The following PKHD1L1 variants were observed in gnomAD, a reference collection of about 807,000 sequenced individuals.
The protein encoded by PKHD1L1 is fibrocystin-L.
Under a neutral mutation model 462.9 loss-of-function variants are expected in PKHD1L1, and 434 were observed. That is an observed-to-expected ratio of 0.94 (90% CI 0.87 to 1.02). The LOEUF is 1.02. PKHD1L1 is among the 50% of genes least tolerant of loss of function. PKHD1L1 has a pLI of 0.00. For missense variants in PKHD1L1, 5,202 were observed against 5,096.1 expected (o/e 1.02, Z -0.63); for synonymous variants, 1,781 against 1,750.0 (o/e 1.02, Z -0.44).
intron 72 of PKHD1L1, among the ~76,000 whole-genome samples, chr8:109,517,392 T>G (rs941329406): frequency 6.6e-6 from 1 of 152,166 alleles, no homozygotes; most frequent in African/African-American, 2.4e-5. Flanking sequence ...CTAGTAAGCC[T>G]CACAATGAAA....
intron 71 of PKHD1L1, among the ~76,000 whole-genome samples, chr8:109,513,011 G>A (rs1397199462): frequency 6.6e-6 from 1 of 151,816 alleles, no homozygotes; most frequent in Non-Finnish European, 1.5e-5. Context: ...TGTTATTGGT[G>A]TATAAGAATG....
chr8:109,401,608 T>G lies in PKHD1L1; in HGVS notation c.1373+20T>G, dbSNP rs760062418. The G allele has an allele frequency of 1.2e-5, 16 of 1,286,872 alleles. No homozygotes were observed. The South Asian group carries it at 1.8e-4, about 14-fold the overall frequency. The allele number at this position is 1,286,872 out of a possible 1,614,324, so 79.7% of individuals were successfully genotyped here. A position where few individuals can be genotyped will look rare whatever the true frequency, so the allele number is the denominator to read the frequency against. On this transcript the variant is annotated intron_variant, in intron 14 of 77. Transcript: ENST00000378402. ...AAAAGAGTAAGGCTTTTTCCTGTCA[T>G]TAAATTACTGTGTGGTATTTATAAG...
chr8:109,423,445 A>G lies in PKHD1L1; in HGVS notation c.2698-1640A>G, dbSNP rs78371774. ...TGTCAAAAATCATATTTGTGTGGGC[A>G]TATTTCTGAGTTTTCTATTCTTTCC... On this transcript the variant is annotated intron_variant, in intron 23 of 77. Coordinates refer to ENST00000378402, the MANE Select transcript of PKHD1L1 (RefSeq NM_177531.6). 8.3e-4 allele frequency among the ~76,000 whole-genome samples: 126 copies of G among 152,216 alleles called. 2 individuals are homozygous for G. In the East Asian group the frequency reaches 0.023, roughly 27 times the overall value.
At chr8:109,429,026 AAATC>A (rs1347803464) in intron 25 of PKHD1L1, among the ~76,000 whole-genome samples, 3 of 152,198 alleles carry the variant, frequency 2.0e-5, no homozygotes, top group Admixed American at 2.0e-4. Flanking sequence ...CATTTTGAGA[AAATC>A]AAGTTTAGTA....
chr8:109,386,539 A>C (rs186013580), intron 6 of PKHD1L1, among the ~76,000 whole-genome samples: 1 of 152,320 alleles, frequency 6.6e-6, no homozygotes, highest in African/African-American at 2.4e-5. Context: ...TAATGAGTGA[A>C]ATAAAGATTT....
At chr8:109,442,270 T>A in intron 35 of PKHD1L1, 75 bp downstream of exon 35, 2 of 1,334,292 alleles carry the variant, frequency 1.5e-6, no homozygotes, top group Non-Finnish European at 2.0e-6. Context: ...TTGTGTAGAT[T>A]TAATACAGTA....
At position 109,498,898 on chromosome 8, in the gene PKHD1L1, T is replaced by A; in HGVS notation, c.10828+127T>A. ...AATTTTTATAGCAATCTGCTCAATA[T>A]GACAAAGAAATCAGACATCAGAGTC... On this transcript the variant is annotated intron_variant, in intron 67 of 77. Coordinates refer to ENST00000378402, the MANE Select transcript of PKHD1L1 (RefSeq NM_177531.6). 3 of 833,292 alleles carry A rather than the reference T, an allele frequency of 3.6e-6. No individual in the cohort carries two copies. The South Asian group carries it at 5.7e-5, about 16-fold the overall frequency. The allele number at this position is 833,292 out of a possible 1,614,324, so 51.6% of individuals were successfully genotyped here. A position where few individuals can be genotyped will look rare whatever the true frequency, so the allele number is the denominator to read the frequency against.
Position 109,522,277 on chromosome 8 carries a change from C to T in PKHD1L1, c.12123C>T (p.Asn4041=), listed in dbSNP as rs1586664101. 1 of 1,606,636 alleles carries T rather than the reference C, an allele frequency of 6.2e-7. No homozygotes were observed. The part of the protein sequence containing the change: ...LGNISSILGF[N]ISSMSITNPL... Reference sequence around the variant, plus strand: ...ACATCAGTAGTATCCTTGGATTTAACATTTCGTCCATGTCTATTACTAATC... The same window carrying T: ...ACATCAGTAGTATCCTTGGATTTAATATTTCGTCCATGTCTATTACTAATC... Residue 4041 remains asparagine, a synonymous_variant, in exon 74 of 78, where the codon AAC becomes AAT. Transcript: ENST00000378402.
At chr8:109,407,640 C>A (rs1444822541) in intron 17 of PKHD1L1, among the ~76,000 whole-genome samples, 1 of 152,054 alleles carries the variant, frequency 6.6e-6, no homozygotes, top group Non-Finnish European at 1.5e-5. Context: ...CAGCTTTGTG[C>A]CCTATTCATG....
chr8:109,461,636 T>A, intron 47 of PKHD1L1, 136 bp from the exon 48 acceptor site: 1 of 928,690 alleles, frequency 1.1e-6, no homozygotes, highest in Non-Finnish European at 1.6e-6. Flanking sequence ...GGAAATGATG[T>A]GAATGCAAAT....
rs892792515 is a variant in PKHD1L1 at position 109,399,928 on chromosome 8, T to C, written c.1013-148T>C. ...AGACTGCCCTCTGGCTGCAGATACG[T>C]GTAGGGGAATGTGTAATTGTTTTGT... On this transcript the variant is annotated intron_variant, in intron 12 of 77. Coordinates refer to ENST00000378402, the MANE Select transcript of PKHD1L1 (RefSeq NM_177531.6). The C allele has an allele frequency of 5.1e-6, 4 of 790,704 alleles. No individual in the cohort carries two copies. The African/African-American group carries it at 5.3e-5, about 10-fold the overall frequency. 49.0% of individuals were successfully genotyped at this position (790,704 alleles called of 1,614,324 possible).
At chr8:109,510,104 C>T (rs1819890627) in intron 70 of PKHD1L1, among the ~76,000 whole-genome samples, 1 of 152,008 alleles carries the variant, frequency 6.6e-6, no homozygotes, top group African/African-American at 2.4e-5. Flanking sequence ...TTAATGATGT[C>T]AACACTCTAA....
Position 109,507,690 on chromosome 8 carries a change from C to T in PKHD1L1, c.11022C>T (p.Asp3674=), listed in dbSNP as rs770754730. ...AGGTCAATCCATCTGATTGTGTAGA[C>T]ATGGTTTGTGATGCCAAGAGGAAAT... ...ISKVNPSDCV[D]MVCDAKRKSF... The change falls in exon 69 of 78, where the codon GAC becomes GAT. Residue 3674 remains aspartate, a synonymous_variant. Transcript: ENST00000378402. 2 of 1,613,186 alleles carry T rather than the reference C, an allele frequency of 1.2e-6. No homozygotes were observed. The highest frequency in any genetic ancestry group is 1.1e-5 in the South Asian group (1 of 91,054).
chr8:109,499,055 C>A, intron 67 of PKHD1L1: 2 of 350,560 alleles, frequency 5.7e-6, no homozygotes, highest in South Asian at 8.3e-5. Context: ...TTTGTAAATG[C>A]CCTTTCATGT....
At chr8:109,470,338 G>A in intron 50 of PKHD1L1, 2 of 1,525,958 alleles carry the variant, frequency 1.3e-6, no homozygotes, top group Admixed American at 1.7e-5. Context: ...AGTTTGGAGA[G>A]AGAGTGAAGT....
chr8:109,527,237 C>G (rs564110725), intron 77 of PKHD1L1, among the ~76,000 whole-genome samples: 48 of 152,278 alleles, frequency 3.2e-4, no homozygotes, highest in African/African-American at 1.1e-3. Flanking sequence ...CACAGTGGCT[C>G]ATACTTGTAA....
chr8:109,375,542 G>A (rs768058553), intron 2 of PKHD1L1, among the ~76,000 whole-genome samples: 25 of 152,204 alleles, frequency 1.6e-4, no homozygotes, highest in Non-Finnish European at 2.9e-4. Flanking sequence ...CGTTGCTGGT[G>A]AGGAGCTGTG....
At position 109,531,718 on chromosome 8, in the gene PKHD1L1, A is replaced by G. The variant is rs539862317; in HGVS notation, c.*1628A>G. Among the ~76,000 whole-genome samples the G allele has an allele frequency of 1.3e-5, 2 of 152,338 alleles. No individual in the cohort carries two copies. Among genetic ancestry groups the G allele is most frequent in the South Asian group, 2.1e-4 (1 of 4,828 alleles). ...TCCCTGACAAGGTAGTCTTCAAAGT[A>G]TACATGAAAGCCCCTTCATGAGGAA... On this transcript the variant is annotated 3_prime_UTR_variant, in exon 78 of 78. Transcript: ENST00000378402.
chr8:109,369,814 T>G (rs1811406772), intron 2 of PKHD1L1, among the ~76,000 whole-genome samples: 1 of 152,178 alleles, frequency 6.6e-6, no homozygotes, highest in African/African-American at 2.4e-5. Flanking sequence ...TTCATGTCTT[T>G]TCACAGTCCC....
Sources: allele counts gnomAD v4.1 joint callset (sites outside exome capture counted in the v4.1 genomes callset), GRCh38; gene constraint gnomAD v4.1.1; transcripts MANE v1.5; gene names NCBI Gene and HGNC (gene_info 2026-07-23, HGNC 2026-07-21).